The following GAS6 variants were observed in gnomAD, a reference collection of about 807,000 sequenced individuals.
The protein encoded by GAS6 is growth arrest-specific protein 6.
Under a neutral mutation model 75.8 loss-of-function variants are expected in GAS6, and 41 were observed. That is an observed-to-expected ratio of 0.54 (90% CI 0.42 to 0.70). The LOEUF (loss-of-function observed/expected upper bound fraction) is 0.70, where lower values mean the gene tolerates loss of function less well. Among genes scored for constraint, GAS6 ranks in the 30% least tolerant of loss-of-function variants. The pLI is 0.00. For missense variants in GAS6, 854 were observed against 940.2 expected, an observed-to-expected ratio of 0.91 and a Z score of 1.20; for synonymous variants, 432 against 412.6, an observed-to-expected ratio of 1.05 and a Z score of -0.57.
At chr13:113,840,052 G>A (rs2051759937) in intron 4 of GAS6, 1 of 662,666 alleles carries the variant, frequency 1.5e-6, no homozygotes, top group African/African-American at 1.9e-5. Context: ...CCTGGGGCCG[G>A]CTCCAGGAAA....
At chr13:113,828,479 GCT>G in intron 11 of GAS6, 66 bp downstream of exon 11, 1 of 1,520,230 alleles carries the variant, frequency 6.6e-7, no homozygotes, top group Non-Finnish European at 9.0e-7. Context: ...TGTGACTGAG[GCT>G]TCCTGACACC....
Position 113,863,475 on chromosome 13 carries a change from C to G in GAS6, c.255+100G>C. On this transcript the variant is annotated intron_variant, in intron 2 of 14. Transcript: ENST00000327773. This position sits in a 1 kb window ranked among gnomAD's most constrained non-coding sequence, Gnocchi z 9.4. ...CTGGGACCCTGAGGCCAGGCCTCGC[C>G]GCGCGGAGCTGGGGGGCGGCAGCAG... The G allele has an allele frequency of 8.2e-7, 1 of 1,224,384 alleles. No homozygotes were observed. Among genetic ancestry groups the G allele is most frequent in the Non-Finnish European group, 1.1e-6 (1 of 946,132 alleles). 75.8% of individuals were successfully genotyped at this position (1,224,384 alleles called of 1,614,324 possible).
intron 8 of GAS6, among the ~76,000 whole-genome samples, 180 bp downstream of exon 8, chr13:113,834,371 A>G (rs2051673086): frequency 6.6e-6 from 1 of 152,218 alleles, no homozygotes; most frequent in Admixed American, 6.5e-5. Context: ...CTCTATAAAT[A>G]CAACCAAACA....
chr13:113,823,314 G>C, intron 13 of GAS6, 61 bp downstream of exon 13: 2 of 1,517,568 alleles, frequency 1.3e-6, no homozygotes, highest in Non-Finnish European at 8.9e-7. Context: ...CTGCCAGGGA[G>C]TGCAGCCCAC....
chr13:113,856,329 G>C (rs2051913963), intron 2 of GAS6, among the ~76,000 whole-genome samples: 1 of 152,160 alleles, frequency 6.6e-6, no homozygotes, highest in Non-Finnish European at 1.5e-5. Context: ...GCGAGCACAG[G>C]AGTTAATGAC....
chr13:113,832,982 C>T (rs764293223), intron 8 of GAS6: 328 of 1,427,384 alleles, frequency 2.3e-4, no homozygotes, highest in Non-Finnish European at 2.9e-4. Flanking sequence ...CGGGGGTCCC[C>T]GTCATCTCCT....
rs200327303 is a variant in GAS6, at chr13:113,835,553, G to C, written c.672C>G (p.Asp224Glu). The C allele has an allele frequency of 2.0e-5, 32 of 1,612,602 alleles. No individual in the cohort carries two copies. The highest frequency in any genetic ancestry group is 2.5e-5 in the Non-Finnish European group (30 of 1,179,888). ...CCTGGGAGCTGTACGCAAAGCCCTCGTCACAGAGGCAGGAGTAGGAGCCGG... is the reference window on the plus strand; with the variant it reads ...CCTGGGAGCTGTACGCAAAGCCCTCCTCACAGAGGCAGGAGTAGGAGCCGG... Reference protein sequence around the residue: ...NLPGSYSCLCDEGFAYSSQEK... With the variant: ...NLPGSYSCLCEEGFAYSSQEK... Residue 224 changes from aspartate (D) to glutamate (E), a missense_variant, in exon 7 of 15, where the codon GAC becomes GAG. Transcript: ENST00000327773.
chr13:113,844,682 C>T lies in GAS6; in HGVS notation c.343+1845G>A, dbSNP rs1594205026. On this transcript the variant is annotated intron_variant, in intron 4 of 14. Transcript: ENST00000327773. The surrounding 1 kb of genome is among the most constrained non-coding windows in gnomAD (Gnocchi z 5.7). ...AAAAGACTGAGGAGGGCATAGGAGACCCACCCGCGTGCATGAGGCCGAGTC... is the reference window on the plus strand; with the variant it reads ...AAAAGACTGAGGAGGGCATAGGAGATCCACCCGCGTGCATGAGGCCGAGTC... 1 of 150,656 alleles carries T rather than the reference C, an allele frequency of 6.6e-6. No individual in the cohort carries two copies. Among genetic ancestry groups the T allele is most frequent in the East Asian group, 1.9e-4 (1 of 5,184 alleles). 9.3% of individuals were successfully genotyped at this position (150,656 alleles called of 1,614,324 possible).
At chr13:113,829,956 G>A (rs2051609525) in intron 10 of GAS6, among the ~76,000 whole-genome samples, 1 of 151,662 alleles carries the variant, frequency 6.6e-6, no homozygotes, top group African/African-American at 2.4e-5. Context: ...TGAGCCAAGA[G>A]GGACCTGACC....
chr13:113,830,959 T>C (rs1018822817), intron 10 of GAS6, among the ~76,000 whole-genome samples: 1 of 152,186 alleles, frequency 6.6e-6, no homozygotes, highest in Admixed American at 6.5e-5. Flanking sequence ...CTTTAAGAGG[T>C]TGGGAAAAAT....
rs542086784 is a variant in GAS6 at position 113,837,501 on chromosome 13, T to C, written c.589+568A>G. Among the ~76,000 whole-genome samples the C allele has an allele frequency of 3.3e-5, 5 of 152,236 alleles. No individual in the cohort carries two copies. Among genetic ancestry groups the C allele is most frequent in the African/African-American group, 1.2e-4 (5 of 41,524 alleles). ...CCCCTGCAAAGTGGCAAAGGGCCAG[T>C]GGCAGCAGCAGCACCTGGAACAGCG... On this transcript the variant is annotated intron_variant, in intron 6 of 14. Coordinates refer to ENST00000327773, the MANE Select transcript of GAS6 (RefSeq NM_000820.4). The surrounding 1 kb of genome is among the most constrained non-coding windows in gnomAD (Gnocchi z 5.1).
chr13:113,828,529 G>A lies in GAS6; in HGVS notation c.1308+18C>T, dbSNP rs749784941. The A allele has an allele frequency of 3.7e-6, 6 of 1,610,194 alleles. No individual in the cohort carries two copies. Among genetic ancestry groups the A allele is most frequent in the Middle Eastern group, 1.7e-4 (1 of 6,048 alleles). On this transcript the variant is annotated intron_variant, in intron 11 of 14. Transcript: ENST00000327773. ...CCAGCACACGGCGCGTCTACACAGG[G>A]ACAGGTACAGTACTCACAGGCTGCA...
intron 2 of GAS6, among the ~76,000 whole-genome samples, chr13:113,852,520 T>C (rs2051883839): frequency 1.3e-5 from 2 of 152,148 alleles, no homozygotes; most frequent in African/African-American, 2.4e-5. Context: ...AAATTTGTTA[T>C]AAAACTACAG....
At chr13:113,839,532 G>A in intron 5 of GAS6, 196 bp downstream of exon 5, 1 of 645,186 alleles carries the variant, frequency 1.5e-6, no homozygotes, top group Non-Finnish European at 2.5e-6. Context: ...TTTCCTTCCA[G>A]CCCTGCTCCC....
intron 12 of GAS6, among the ~76,000 whole-genome samples, chr13:113,824,458 C>T (rs923413258): frequency 3.3e-5 from 5 of 151,848 alleles, no homozygotes; most frequent in Non-Finnish European, 7.4e-5. Context: ...GTGTGGTCTC[C>T]CAGGGAGAAT....
intron 7 of GAS6, 193 bp from the exon 8 acceptor site, chr13:113,834,865 C>G: frequency 4.2e-6 from 2 of 480,158 alleles, no homozygotes; most frequent in Non-Finnish European, 6.8e-6. Flanking sequence ...TGCTCCTGCC[C>G]GGGCTCTTTC....
At chr13:113,862,525 T>G (rs1286677836) in intron 2 of GAS6, among the ~76,000 whole-genome samples, 1 of 152,070 alleles carries the variant, frequency 6.6e-6, no homozygotes, top group Non-Finnish European at 1.5e-5. Flanking sequence ...TAGGCTGAGC[T>G]GAAGGAGGGC....
Position 113,837,717 on chromosome 13 carries a change from C to A in GAS6, c.589+352G>T. The stretch of plus-strand genomic sequence containing the variant: ...TGGGGAGAGTGGACGGCGGGGGGAC[C>A]CTAGCCTGGAGCCCTGACCCACAAG... On this transcript the variant is annotated intron_variant, in intron 6 of 14. Transcript: ENST00000327773. This position sits in a 1 kb window ranked among gnomAD's most constrained non-coding sequence, Gnocchi z 5.1. 6.6e-6 allele frequency among the ~76,000 whole-genome samples: 1 copy of A among 152,092 alleles called. No individual in the cohort carries two copies. The highest frequency in any genetic ancestry group is 1.9e-4 in the East Asian group (1 of 5,182).
intron 2 of GAS6, among the ~76,000 whole-genome samples, chr13:113,861,756 G>A (rs947396248): frequency 1.3e-5 from 2 of 152,166 alleles, no homozygotes; most frequent in African/African-American, 4.8e-5. Context: ...GGCAGGAACC[G>A]GAAACAGAAA....
Sources: allele counts gnomAD v4.1 joint callset (sites outside exome capture counted in the v4.1 genomes callset), GRCh38; gene constraint gnomAD v4.1.1; non-coding constraint Gnocchi (gnomAD v3.1); transcripts MANE v1.5; gene names NCBI Gene and HGNC (gene_info 2026-07-23, HGNC 2026-07-21).